The following SPTLC1 variants were observed in gnomAD, a reference collection of about 807,000 sequenced individuals.
SPTLC1 encodes the protein serine palmitoyltransferase 1.
A neutral mutation model predicts 68.9 loss-of-function variants in SPTLC1; 55 were observed. The observed-to-expected ratio is 0.80, with a 90% CI of 0.64 to 1.00. The LOEUF (loss-of-function observed/expected upper bound fraction) is 1.00, where lower values mean the gene tolerates loss of function less well. Among genes scored for constraint, SPTLC1 ranks in the 50% least tolerant of loss-of-function variants. The pLI is 0.00. For missense variants in SPTLC1, 449 were observed against 573.1 expected (o/e 0.78, Z 2.21); for synonymous variants, 197 against 201.6 (o/e 0.98, Z 0.19).
chr9:92,046,187 G>C (rs1341979540), intron 11 of SPTLC1, 134 bp from the exon 12 acceptor site: 1 of 802,364 alleles, frequency 1.2e-6, no homozygotes, highest in East Asian at 2.7e-5. Context: ...ACAGAGCCAA[G>C]AACCCATACT....
At chr9:92,088,522 T>C (rs1835242456) in intron 3 of SPTLC1, among the ~76,000 whole-genome samples, 1 of 152,224 alleles carries the variant, frequency 6.6e-6, no homozygotes, top group African/African-American at 2.4e-5. Flanking sequence ...GATTTCATAG[T>C]CAGGTATTGG....
intron 3 of SPTLC1, 112 bp downstream of exon 3, chr9:92,108,628 T>C: frequency 6.6e-7 from 1 of 1,524,418 alleles, no homozygotes. Context: ...CCTGGGAACT[T>C]CAAAATGTTT....
At chr9:92,049,017 G>A (rs55896881) in intron 9 of SPTLC1, among the ~76,000 whole-genome samples, 3,016 of 152,254 alleles carry the variant, frequency 0.02, 109 homozygotes, top group African/African-American at 0.068. Flanking sequence ...AGGCTGTAGT[G>A]TACTGCTAAA....
chr9:92,047,524 G>A, intron 10 of SPTLC1, 89 bp downstream of exon 10: 1 of 875,778 alleles, frequency 1.1e-6, no homozygotes. Context: ...GATAAACTAA[G>A]TAAAATTTCG....
intron 3 of SPTLC1, among the ~76,000 whole-genome samples, chr9:92,093,547 G>A (rs1835439153): frequency 1.3e-5 from 2 of 151,900 alleles, no homozygotes; most frequent in Admixed American, 6.6e-5. Context: ...AAAACTCAAC[G>A]AAATCAACAA....
rs561346280 is a variant in SPTLC1 at position 92,049,342 on chromosome 9, T to C, written c.888+618A>G. Reference sequence around the variant, plus strand: ...AGCTGTTCAAGACTGGCTGACTTCCTCTGCCCTGAGGCTCCAGGAGCAAAA... The same window carrying C: ...AGCTGTTCAAGACTGGCTGACTTCCCCTGCCCTGAGGCTCCAGGAGCAAAA... On this transcript the variant is annotated intron_variant, in intron 9 of 14. Transcript: ENST00000262554. 7.9e-5 allele frequency among the ~76,000 whole-genome samples: 12 copies of C among 152,298 alleles called. No individual in the cohort carries two copies. In the South Asian group the frequency reaches 2.5e-3, roughly 32 times the overall value.
intron 3 of SPTLC1, among the ~76,000 whole-genome samples, chr9:92,103,912 G>A (rs552622568): frequency 6.6e-6 from 1 of 152,214 alleles, no homozygotes. Context: ...AGCCCCACAG[G>A]GGGGCCCATC....
At chr9:92,078,096 CCT>C (rs1834746510) in intron 5 of SPTLC1, among the ~76,000 whole-genome samples, 1 of 152,110 alleles carries the variant, frequency 6.6e-6, no homozygotes, top group Non-Finnish European at 1.5e-5. Context: ...CACCTCTGAA[CCT>C]CTTTCAATGA....
intron 3 of SPTLC1, chr9:92,107,713 C>T (rs1262765607): frequency 6.6e-6 from 1 of 152,084 alleles, no homozygotes; most frequent in East Asian, 1.9e-4. Flanking sequence ...GATTGCGCCA[C>T]TACACTCCAG....
At chr9:92,061,661 A>G (rs1352572346) in intron 6 of SPTLC1, among the ~76,000 whole-genome samples, 1 of 152,220 alleles carries the variant, frequency 6.6e-6, no homozygotes, top group African/African-American at 2.4e-5. Context: ...AAAAATTAAA[A>G]CACTGATGTG....
intron 5 of SPTLC1, 118 bp downstream of exon 5, chr9:92,079,898 T>TC: frequency 3.4e-6 from 3 of 872,150 alleles, no homozygotes; most frequent in Non-Finnish European, 5.8e-6. Context: ...CAAGGAATCC[T>TC]CCCACCTCAG....
intron 13 of SPTLC1, among the ~76,000 whole-genome samples, chr9:92,036,341 A>AT (rs942256252): frequency 1.2e-4 from 19 of 152,296 alleles, no homozygotes; most frequent in African/African-American, 4.3e-4. Context: ...TAAGCATGGT[A>AT]TTTTAACACC....
At chr9:92,072,356 T>C (rs914492733) in intron 5 of SPTLC1, among the ~76,000 whole-genome samples, 2 of 152,154 alleles carry the variant, frequency 1.3e-5, no homozygotes, top group Non-Finnish European at 2.9e-5. Flanking sequence ...CTTCCTCTTA[T>C]CCATGTTTCC....
intron 11 of SPTLC1, among the ~76,000 whole-genome samples, chr9:92,046,944 C>G (rs888680312): frequency 1.3e-5 from 2 of 152,200 alleles, no homozygotes; most frequent in African/African-American, 4.8e-5. Context: ...ACTATCTGAG[C>G]TAGCCTTGCT....
chr9:92,054,964 C>A (rs1056159009), intron 8 of SPTLC1, among the ~76,000 whole-genome samples: 1 of 151,970 alleles, frequency 6.6e-6, no homozygotes, highest in Non-Finnish European at 1.5e-5. Context: ...GTGGCTCATA[C>A]CTGTAATACC....
At chr9:92,055,646 G>T in intron 7 of SPTLC1, 152 bp from the exon 8 acceptor site, 2 of 804,960 alleles carry the variant, frequency 2.5e-6, no homozygotes, top group Non-Finnish European at 4.1e-6. Flanking sequence ...GGGTTATTTT[G>T]AGATGAACAA....
At chr9:92,113,929 G>A (rs1336926390) in intron 1 of SPTLC1, among the ~76,000 whole-genome samples, 1 of 152,182 alleles carries the variant, frequency 6.6e-6, no homozygotes. Context: ...GATCTGTGTG[G>A]TCCAATGTGG....
chr9:92,101,971 T>C (rs1422250637), intron 3 of SPTLC1, among the ~76,000 whole-genome samples: 1 of 152,078 alleles, frequency 6.6e-6, no homozygotes, highest in African/African-American at 2.4e-5. Flanking sequence ...AAAAAGGCCT[T>C]TTCTAAGGCA....
chr9:92,075,201 G>T (rs1218186566), intron 5 of SPTLC1, among the ~76,000 whole-genome samples: 2 of 151,984 alleles, frequency 1.3e-5, no homozygotes, highest in Admixed American at 6.6e-5. Flanking sequence ...ACTTATCTTG[G>T]TATAATCCTC....
Sources: allele counts gnomAD v4.1 joint callset (sites outside exome capture counted in the v4.1 genomes callset), GRCh38; gene constraint gnomAD v4.1.1; transcripts MANE v1.5; gene names NCBI Gene and HGNC (gene_info 2026-07-23, HGNC 2026-07-21).